The following KCNIP1 variants were observed in gnomAD, a reference collection of about 807,000 sequenced individuals.
KCNIP1 encodes the protein A-type potassium channel modulatory protein KCNIP1.
KCNIP1 carries 18 observed loss-of-function variants against 33.0 expected under a neutral mutation model. That is an observed-to-expected ratio of 0.55 (90% CI 0.38 to 0.81). The LOEUF is 0.81. Ranked by LOEUF, KCNIP1 falls within the 30% of genes least tolerant of loss-of-function variation. The pLI is 0.00. For synonymous variants in KCNIP1, 93 were observed against 98.3 expected (o/e 0.95, Z 0.32); for missense variants, 238 against 271.6 (o/e 0.88, Z 0.87).
intron 1 of KCNIP1, among the ~76,000 whole-genome samples, chr5:170,513,675 G>A (rs1755021311): frequency 6.6e-6 from 1 of 152,222 alleles, no homozygotes; most frequent in African/African-American, 2.4e-5. Flanking sequence ...CATGTGGACT[G>A]CAACTAGAGA....
At chr5:170,468,264 T>C (rs1484918288) in intron 1 of KCNIP1, among the ~76,000 whole-genome samples, 1 of 152,160 alleles carries the variant, frequency 6.6e-6, no homozygotes, top group Admixed American at 6.5e-5. Context: ...TTGAAGTACT[T>C]AAAAAGGAAT....
chr5:170,407,629 A>C (rs1237354889), intron 1 of KCNIP1, among the ~76,000 whole-genome samples: 6 of 152,208 alleles, frequency 3.9e-5, no homozygotes, highest in African/African-American at 1.4e-4. Flanking sequence ...AGTATTTATA[A>C]ATTTCAGAAC....
chr5:170,635,713 C>G (rs1017014708), intron 1 of KCNIP1, among the ~76,000 whole-genome samples: 1 of 152,256 alleles, frequency 6.6e-6, no homozygotes, highest in African/African-American at 2.4e-5. Flanking sequence ...AGATAAGTAT[C>G]TTTGCAAGGC....
intron 1 of KCNIP1, among the ~76,000 whole-genome samples, chr5:170,614,566 AG>A (rs1287379905): frequency 1.3e-5 from 2 of 152,206 alleles, no homozygotes; most frequent in Admixed American, 6.5e-5. Context: ...AAACGTAAAA[AG>A]GGGATTTTTT....
At chr5:170,473,406 G>A (rs2113141932) in intron 1 of KCNIP1, among the ~76,000 whole-genome samples, 1 of 152,274 alleles carries the variant, frequency 6.6e-6, no homozygotes, top group Non-Finnish European at 1.5e-5. Context: ...CTGAGGCATA[G>A]GGAGGCAAAA....
rs372080901 is a variant in KCNIP1 at position 170,541,242 on chromosome 5, C to T, written c.61+36609C>T. On this transcript the variant is annotated intron_variant, in intron 1 of 7. Transcript: ENST00000328939. ...GCCTCTGATTCTTCATTGCAAGTGA[C>T]CCAGTGTTCCATATGACCCATAGCC... is the stretch of plus-strand genomic sequence containing the variant. 3.9e-5 allele frequency among the ~76,000 whole-genome samples: 6 copies of T among 152,188 alleles called. No homozygotes were observed. In the East Asian group the frequency reaches 7.7e-4, roughly 20 times the overall value.
chr5:170,517,329 T>C (rs80219137), intron 1 of KCNIP1, among the ~76,000 whole-genome samples: 6,600 of 152,274 alleles, frequency 0.043, 501 homozygotes, highest in African/African-American at 0.15. Flanking sequence ...CCCCATGATC[T>C]GGTCACCTCC....
rs143787758 is a variant in KCNIP1 at position 170,396,879 on chromosome 5, T to A, written c.88+42915T>A. 4.3e-3 allele frequency among the ~76,000 whole-genome samples: 657 copies of A among 152,000 alleles called. 4 individuals are homozygous for A. The highest frequency in any genetic ancestry group is 6.4e-3 in the Admixed American group (97 of 15,272). On this transcript the variant is annotated intron_variant, in intron 1 of 7. Coordinates refer to the KCNIP1 transcript ENST00000377360. ...AAAAGACTTAGAAAGGGAAGGGGAG[T>A]CTCTGCAGAATGTAGATTTTCCCCA...
At chr5:170,419,353 G>C (rs1327388053) in intron 1 of KCNIP1, among the ~76,000 whole-genome samples, 1 of 152,178 alleles carries the variant, frequency 6.6e-6, no homozygotes, top group African/African-American at 2.4e-5. Flanking sequence ...GGGAAGTCAA[G>C]TAAACACCAA....
At chr5:170,487,704 T>C (rs77685600) in intron 1 of KCNIP1, among the ~76,000 whole-genome samples, 1,765 of 152,058 alleles carry the variant, frequency 0.012, 14 homozygotes, top group Non-Finnish European at 0.017. Context: ...GTATTTTTTG[T>C]AGAGACAGGG....
chr5:170,519,100 A>T (rs561954654), intron 1 of KCNIP1, among the ~76,000 whole-genome samples: 2 of 152,070 alleles, frequency 1.3e-5, no homozygotes, highest in African/African-American at 4.8e-5. Flanking sequence ...TAAGGTTCTC[A>T]TGGTTTTTAG....
At chr5:170,492,307 C>T (rs900816116) in intron 1 of KCNIP1, among the ~76,000 whole-genome samples, 3 of 152,336 alleles carry the variant, frequency 2.0e-5, no homozygotes, top group Non-Finnish European at 4.4e-5. Flanking sequence ...AAGGATGCAA[C>T]TCAGAAACAG....
chr5:170,715,269 G>A (rs574786927), intron 1 of KCNIP1, among the ~76,000 whole-genome samples: 2 of 152,266 alleles, frequency 1.3e-5, no homozygotes, highest in South Asian at 2.1e-4. Flanking sequence ...CTAGGTTTGC[G>A]TGAGTATACT....
intron 1 of KCNIP1, among the ~76,000 whole-genome samples, chr5:170,636,152 G>A (rs886122643): frequency 2.0e-5 from 3 of 152,254 alleles, no homozygotes; most frequent in Admixed American, 6.5e-5. Flanking sequence ...AAGCGGAAAT[G>A]TCAGGAAGTC....
intron 1 of KCNIP1, among the ~76,000 whole-genome samples, chr5:170,667,307 C>T (rs1337143139): frequency 3.2e-5 from 4 of 125,738 alleles, no homozygotes; most frequent in East Asian, 2.4e-4. Context: ...AGTGAAACTC[C>T]GTCTCAAAAA....
chr5:170,726,273 T>C (rs1223919274), intron 5 of KCNIP1, among the ~76,000 whole-genome samples: 1 of 152,148 alleles, frequency 6.6e-6, no homozygotes, highest in Non-Finnish European at 1.5e-5. Context: ...TAAGGGACAT[T>C]TATAATTTAA....
chr5:170,367,662 C>G (rs1053329466), intron 1 of KCNIP1, among the ~76,000 whole-genome samples: 1 of 152,204 alleles, frequency 6.6e-6, no homozygotes, highest in Non-Finnish European at 1.5e-5. Flanking sequence ...GTCCCAGTCT[C>G]GAGCCTTGTT....
At chr5:170,534,865 A>T (rs1305260574) in intron 1 of KCNIP1, among the ~76,000 whole-genome samples, 1 of 151,234 alleles carries the variant, frequency 6.6e-6, no homozygotes, top group Admixed American at 6.6e-5. Flanking sequence ...TACAGACAAG[A>T]CTGACTGCCT....
intron 1 of KCNIP1, among the ~76,000 whole-genome samples, chr5:170,355,968 C>A (rs1189392592): frequency 6.6e-6 from 1 of 152,208 alleles, no homozygotes; most frequent in Non-Finnish European, 1.5e-5. Context: ...TTTACACAGC[C>A]CCGGCTCTGC....
Sources: allele counts gnomAD v4.1 joint callset (sites outside exome capture counted in the v4.1 genomes callset), GRCh38; gene constraint gnomAD v4.1.1; transcripts MANE v1.5; gene names NCBI Gene and HGNC (gene_info 2026-07-23, HGNC 2026-07-21).